The following CCDC102B variants were observed in gnomAD, a reference collection of about 807,000 sequenced individuals.
CCDC102B encodes coiled-coil domain containing 102B.
A neutral mutation model predicts 57.4 loss-of-function variants in CCDC102B; 75 were observed. That is an observed-to-expected ratio of 1.31 (90% CI 1.08 to 1.58). The LOEUF is 1.58. Among genes scored for constraint, CCDC102B ranks in the 40% most tolerant of loss-of-function variants. The pLI is 0.00. For synonymous variants in CCDC102B, 206 were observed against 201.9 expected (o/e 1.02, Z -0.17); for missense variants, 636 against 582.6 (o/e 1.09, Z -0.94).
At chr18:68,897,718 T>A (rs965165012) in intron 6 of CCDC102B, 1 of 1,063,898 alleles carries the variant, frequency 9.4e-7, no homozygotes, top group African/African-American at 1.6e-5. Flanking sequence ...TTGTTTCTTA[T>A]TAAAGCTTTG....
rs756404831 is a variant in CCDC102B at position 68,837,275 on chromosome 18, C to T, written c.512C>T (p.Thr171Ile). Reference protein sequence around the residue: ...PGFVEESCEHTDQFQLSSQMH... With the variant: ...PGFVEESCEHIDQFQLSSQMH... ...TTCGTAGAAGAATCCTGTGAACATA[C>T]AGACCAATTTCAATTGAGTTCACAA... Residue 171 changes from threonine (T) to isoleucine (I), a missense_variant, in exon 2 of 8, where the codon ACA (threonine) becomes ATA (isoleucine). Physicochemically the swap from Thr to Ile is moderately conservative, Grantham distance 89. Coordinates refer to ENST00000360242, the MANE Select transcript of CCDC102B (RefSeq NM_024781.3). 6.2e-7 allele frequency: 1 copy of T among 1,613,966 alleles called. No individual in the cohort carries two copies. Among genetic ancestry groups the T allele is most frequent in the Non-Finnish European group, 8.5e-7 (1 of 1,180,004 alleles).
At chr18:68,972,509 T>G (rs1007978700) in intron 6 of CCDC102B, among the ~76,000 whole-genome samples, 1 of 152,178 alleles carries the variant, frequency 6.6e-6, no homozygotes, top group East Asian at 1.9e-4. Flanking sequence ...TCTGTTCAGA[T>G]TTGTCTATCT....
intron 6 of CCDC102B, among the ~76,000 whole-genome samples, chr18:68,986,193 A>C (rs1012893326): frequency 6.6e-5 from 10 of 152,162 alleles, no homozygotes; most frequent in African/African-American, 1.2e-4. Flanking sequence ...TGGTAGAGAT[A>C]CAATGAAAAA....
chr18:68,767,952 A>T (rs2034520979), intron 2 of CCDC102B, among the ~76,000 whole-genome samples: 1 of 151,428 alleles, frequency 6.6e-6, no homozygotes. Context: ...ATATAGTTTA[A>T]GAATAAAATA....
intron 7 of CCDC102B, among the ~76,000 whole-genome samples, chr18:69,020,031 T>C (rs115337035): frequency 0.038 from 5,785 of 151,314 alleles, 168 homozygotes; most frequent in East Asian, 0.15. Context: ...TGTGTTGAAA[T>C]TTTTTCCCCT....
At chr18:68,833,660 T>A (rs2037241052) in intron 1 of CCDC102B, among the ~76,000 whole-genome samples, 1 of 152,164 alleles carries the variant, frequency 6.6e-6, no homozygotes, top group East Asian at 1.9e-4. Flanking sequence ...TGGTCCAAGA[T>A]CATCGTCTAA....
intron 6 of CCDC102B, among the ~76,000 whole-genome samples, chr18:68,934,794 T>C (rs2041789417): frequency 1.3e-5 from 2 of 152,090 alleles, no homozygotes; most frequent in African/African-American, 4.8e-5. Context: ...GCTTTAAATG[T>C]CTCTCAGATT....
At chr18:68,800,353 A>G (rs150145338) in intron 1 of CCDC102B, among the ~76,000 whole-genome samples, 2 of 152,250 alleles carry the variant, frequency 1.3e-5, no homozygotes, top group East Asian at 3.9e-4. Context: ...TCGTGAGACA[A>G]CAGCCCAAAG....
At chr18:68,763,573 A>G (rs556261251) in intron 2 of CCDC102B, among the ~76,000 whole-genome samples, 9 of 152,126 alleles carry the variant, frequency 5.9e-5, no homozygotes, top group Non-Finnish European at 1.3e-4. Flanking sequence ...ATGCCAATGC[A>G]GAGGATTTTG....
intron 2 of CCDC102B, among the ~76,000 whole-genome samples, chr18:68,774,212 T>A (rs149367624): frequency 0.017 from 2,556 of 152,024 alleles, 44 homozygotes; most frequent in Middle Eastern, 0.068. Flanking sequence ...TTGTCTTTGA[T>A]ACTGGATTTG....
At chr18:68,776,770 G>A (rs1272240295) in intron 2 of CCDC102B, among the ~76,000 whole-genome samples, 2 of 151,960 alleles carry the variant, frequency 1.3e-5, no homozygotes, top group African/African-American at 4.8e-5. Context: ...TATGACACAA[G>A]TTTACCTATG....
chr18:69,030,100 C>T (rs1455803357), intron 7 of CCDC102B, among the ~76,000 whole-genome samples: 1 of 152,096 alleles, frequency 6.6e-6, no homozygotes, highest in African/African-American at 2.4e-5. Context: ...GTACCTCACA[C>T]TTCTTTGCTG....
chr18:68,795,390 T>G (rs529621891), upstream of CCDC102B, among the ~76,000 whole-genome samples: 1 of 152,290 alleles, frequency 6.6e-6, no homozygotes, highest in South Asian at 2.1e-4. Flanking sequence ...ATATGTCTAT[T>G]AGTTCACTAG....
intron 2 of CCDC102B, among the ~76,000 whole-genome samples, chr18:68,790,891 C>A (rs2035436296): frequency 6.6e-6 from 1 of 152,094 alleles, no homozygotes; most frequent in Admixed American, 6.6e-5. Flanking sequence ...TTTATAGCTG[C>A]AATTTATGGC....
At chr18:68,857,127 ATTT>A (rs1170774089) in intron 4 of CCDC102B, among the ~76,000 whole-genome samples, 1 of 62,930 alleles carries the variant, frequency 1.6e-5, no homozygotes, top group Non-Finnish European at 2.7e-5. Flanking sequence ...ATATTTATAT[ATTT>A]TTATATATTA....
At chr18:68,949,725 T>A (rs1185726857) in intron 6 of CCDC102B, among the ~76,000 whole-genome samples, 1 of 152,152 alleles carries the variant, frequency 6.6e-6, no homozygotes. Context: ...CTATCCTACA[T>A]GTTTTTTCGT....
At chr18:68,724,128 G>C (rs1407972264) in intron 2 of CCDC102B, among the ~76,000 whole-genome samples, 1 of 152,162 alleles carries the variant, frequency 6.6e-6, no homozygotes, top group Non-Finnish European at 1.5e-5. Flanking sequence ...GCTATGCCTT[G>C]GCCCCTTTTA....
chr18:68,998,598 T>G (rs1568113198), intron 6 of CCDC102B, among the ~76,000 whole-genome samples: 1 of 151,386 alleles, frequency 6.6e-6, no homozygotes, highest in African/African-American at 2.4e-5. Flanking sequence ...ACCCCCAAAG[T>G]AGGGAAGCCA....
intron 2 of CCDC102B, among the ~76,000 whole-genome samples, chr18:68,745,137 A>T (rs1197172167): frequency 6.6e-6 from 1 of 151,970 alleles, no homozygotes; most frequent in Non-Finnish European, 1.5e-5. Flanking sequence ...AGGCAGTGGA[A>T]GTGATGGACT....
Sources: gnomAD v4.1 joint callset for allele counts (sites outside exome capture counted in the v4.1 genomes callset) on GRCh38, gnomAD v4.1.1 for gene constraint, MANE v1.5 for transcripts, NCBI Gene and HGNC (gene_info 2026-07-23, HGNC 2026-07-21) for gene names.